TRIB2: variants seen among roughly 807,000 people sequenced by gnomAD.
TRIB2 encodes the protein tribbles homolog 2.
Under a neutral mutation model 26.8 loss-of-function variants are expected in TRIB2, and 2 were observed. That is an observed-to-expected ratio of 0.07 (90% CI 0.03 to 0.24). TRIB2 has a LOEUF of 0.24. TRIB2 is among the 10% of genes least tolerant of loss of function. TRIB2 has a pLI of 1.00. For synonymous variants in TRIB2, 189 were observed against 187.3 expected, an observed-to-expected ratio of 1.01 and a Z score of -0.08; for missense variants, 306 against 449.0, an observed-to-expected ratio of 0.68 and a Z score of 2.88.
Position 12,740,644 on chromosome 2 carries a change from A to C in TRIB2, c.882A>C (p.Ser294=). 1 of 1,614,230 alleles carries C rather than the reference A, an allele frequency of 6.2e-7. No individual in the cohort carries two copies. Among genetic ancestry groups the C allele is most frequent in the Non-Finnish European group, 8.5e-7 (1 of 1,180,036 alleles). The stretch of plus-strand genomic sequence containing the variant: ...GAAGCATTCTGCGTCGGGAGCCCTC[A>C]GAGCGGCTGACCTCGCAGGAAATTC... ...LIRSILRREP[S]ERLTSQEILD... The change falls in exon 3 of 3, where the codon TCA becomes TCC. Residue 294 remains serine, a synonymous_variant. Coordinates refer to ENST00000155926, the MANE Select transcript of TRIB2 (RefSeq NM_021643.4). The surrounding 1 kb of genome is among the most constrained non-coding windows in gnomAD (Gnocchi z 5.8).
At chr2:12,730,237 C>T (rs2103254779) in intron 2 of TRIB2, among the ~76,000 whole-genome samples, 1 of 152,238 alleles carries the variant, frequency 6.6e-6, no homozygotes, top group East Asian at 1.9e-4. Flanking sequence ...TCAATTTAAA[C>T]CCAGTGAGTA....
Position 12,718,133 on chromosome 2 carries a change from C to A in TRIB2, c.-175C>A. ...GCCGGGCTCGGAGCAGACGAGGTATCCGGCGGCGCCCATTTGGGGGCTTCT... is the reference window on the plus strand; with the variant it reads ...GCCGGGCTCGGAGCAGACGAGGTATACGGCGGCGCCCATTTGGGGGCTTCT... On this transcript the variant is annotated 5_prime_UTR_variant, in exon 1 of 3. Coordinates refer to ENST00000155926, the MANE Select transcript of TRIB2 (RefSeq NM_021643.4). This position sits in a 1 kb window ranked among gnomAD's most constrained non-coding sequence, Gnocchi z 4.0. The A allele has an allele frequency of 1.1e-6, 1 of 886,274 alleles. No homozygotes were observed. The highest frequency in any genetic ancestry group is 1.7e-6 in the Non-Finnish European group (1 of 603,406). The allele number at this position is 886,274 out of a possible 1,614,324, so 54.9% of individuals were successfully genotyped here. A position where few individuals can be genotyped will look rare whatever the true frequency, so the allele number is the denominator to read the frequency against.
chr2:12,727,914 C>A (rs996970110), intron 2 of TRIB2, among the ~76,000 whole-genome samples: 9 of 152,110 alleles, frequency 5.9e-5, no homozygotes, highest in Admixed American at 5.9e-4. Context: ...AAAGTGCGTG[C>A]CCTGTGCACT....
At chr2:12,719,470 G>A (rs1470021071) in intron 1 of TRIB2, among the ~76,000 whole-genome samples, 1 of 152,042 alleles carries the variant, frequency 6.6e-6, no homozygotes, top group Non-Finnish European at 1.5e-5. Context: ...GTGGATGAGG[G>A]GCGAAATAGT....
In TRIB2 at chr2:12,732,769, G is replaced by A. The variant is rs1039490137; in HGVS notation, c.564-7557G>A. Among the ~76,000 whole-genome samples the A allele has an allele frequency of 4.6e-5, 7 of 152,346 alleles. No individual in the cohort carries two copies. The highest frequency in any genetic ancestry group is 2.1e-4 in the South Asian group (1 of 4,824). On this transcript the variant is annotated intron_variant, in intron 2 of 2. Coordinates refer to ENST00000155926, the MANE Select transcript of TRIB2 (RefSeq NM_021643.4). The surrounding 1 kb of genome is among the most constrained non-coding windows in gnomAD (Gnocchi z 4.2). The stretch of plus-strand genomic sequence containing the variant: ...CCAGGCCCTTGGTAGCAGCCGCCCC[G>A]GGCGGGACCCTGGCTTTCACAGCTG...
chr2:12,723,824 C>T (rs143601351), intron 2 of TRIB2, among the ~76,000 whole-genome samples: 19 of 152,250 alleles, frequency 1.2e-4, no homozygotes, highest in African/African-American at 3.1e-4. Context: ...TCTTGAATTC[C>T]GAAGGTGGCT....
intron 2 of TRIB2, among the ~76,000 whole-genome samples, chr2:12,728,309 T>TACCTAGCACACAGTCAGCCATCC (rs11269382): frequency 6.6e-6 from 1 of 152,100 alleles, no homozygotes; most frequent in Non-Finnish European, 1.5e-5. Flanking sequence ...CGGGAGCTCC[T>TACCTAGCACACAGTCAGCCATCC]GCTGATGGAA....
chr2:12,723,703 A>G, intron 2 of TRIB2, 151 bp downstream of exon 2: 6 of 925,288 alleles, frequency 6.5e-6, no homozygotes, highest in Non-Finnish European at 9.5e-6. Flanking sequence ...GAATATTGCA[A>G]TTTTCAAGTG....
chr2:12,723,770 G>C (rs1389993627), intron 2 of TRIB2, among the ~76,000 whole-genome samples: 1 of 152,220 alleles, frequency 6.6e-6, no homozygotes, highest in Non-Finnish European at 1.5e-5. Context: ...CAAAGGACAG[G>C]TACCAGGATA....
intron 2 of TRIB2, among the ~76,000 whole-genome samples, chr2:12,738,302 G>A (rs1392639348): frequency 6.6e-6 from 1 of 152,198 alleles, no homozygotes; most frequent in African/African-American, 2.4e-5. Flanking sequence ...ATGACCCAAT[G>A]TGGTTTTTCC....
In TRIB2 at chr2:12,718,069, A is replaced by G; in HGVS notation, c.-239A>G. The G allele has an allele frequency of 1.7e-6, 1 of 576,678 alleles. No individual in the cohort carries two copies. The highest frequency in any genetic ancestry group is 3.0e-6 in the Non-Finnish European group (1 of 328,340). 35.7% of individuals were successfully genotyped at this position (576,678 alleles called of 1,614,324 possible). On this transcript the variant is annotated 5_prime_UTR_variant, in exon 1 of 3. Coordinates refer to ENST00000155926, the MANE Select transcript of TRIB2 (RefSeq NM_021643.4). This position sits in a 1 kb window ranked among gnomAD's most constrained non-coding sequence, Gnocchi z 4.0. ...CATCGCCGACTGCTTTGGGGTAACA[A>G]AAAGACCCGAGTTGCCTGCCGACCG...
intron 2 of TRIB2, among the ~76,000 whole-genome samples, chr2:12,739,958 T>C (rs1226420969): frequency 1.3e-5 from 2 of 152,216 alleles, no homozygotes; most frequent in East Asian, 3.8e-4. Context: ...AATTCTGTGG[T>C]GCCCTATCAT....
At chr2:12,729,990 C>A (rs1661419505) in intron 2 of TRIB2, among the ~76,000 whole-genome samples, 2 of 152,170 alleles carry the variant, frequency 1.3e-5, no homozygotes. Flanking sequence ...TGTCATTGAG[C>A]CTCATAACCC....
intron 2 of TRIB2, among the ~76,000 whole-genome samples, chr2:12,725,749 CT>C (rs1452817648): frequency 6.6e-6 from 1 of 152,186 alleles, no homozygotes; most frequent in African/African-American, 2.4e-5. Context: ...AAGCAAAATC[CT>C]TTTTCATTTT....
At position 12,718,065 on chromosome 2, in the gene TRIB2, A is replaced by T; in HGVS notation, c.-243A>T. 3.5e-6 allele frequency: 2 copies of T among 565,638 alleles called. No individual in the cohort carries two copies. The highest frequency in any genetic ancestry group is 5.9e-5 in the East Asian group (2 of 33,908). 35.0% of individuals were successfully genotyped at this position (565,638 alleles called of 1,614,324 possible). A position where few individuals can be genotyped will look rare whatever the true frequency, so the allele number is the denominator to read the frequency against. ...TGCACATCGCCGACTGCTTTGGGGTAACAAAAAGACCCGAGTTGCCTGCCG... is the reference window on the plus strand; with the variant it reads ...TGCACATCGCCGACTGCTTTGGGGTTACAAAAAGACCCGAGTTGCCTGCCG... On this transcript the variant is annotated 5_prime_UTR_variant, in exon 1 of 3. Coordinates refer to ENST00000155926, the MANE Select transcript of TRIB2 (RefSeq NM_021643.4). This position sits in a 1 kb window ranked among gnomAD's most constrained non-coding sequence, Gnocchi z 4.0.
At chr2:12,728,207 A>C (rs1442802331) in intron 2 of TRIB2, among the ~76,000 whole-genome samples, 2 of 101,650 alleles carry the variant, frequency 2.0e-5, no homozygotes, top group Non-Finnish European at 3.9e-5. Flanking sequence ...ATGGAATTAA[A>C]TGTATTAATA....
chr2:12,728,110 T>A (rs571977346), intron 2 of TRIB2, among the ~76,000 whole-genome samples: 5 of 152,346 alleles, frequency 3.3e-5, no homozygotes, highest in African/African-American at 9.6e-5. Context: ...TTCTTGCACT[T>A]TTTAGGAATG....
Position 12,740,234 on chromosome 2 carries a change from T to C in TRIB2, c.564-92T>C. 1 of 1,262,300 alleles carries C rather than the reference T, an allele frequency of 7.9e-7. No individual in the cohort carries two copies. The allele number at this position is 1,262,300 out of a possible 1,614,324, so 78.2% of individuals were successfully genotyped here. On this transcript the variant is annotated intron_variant, in intron 2 of 2. Coordinates refer to ENST00000155926, the MANE Select transcript of TRIB2 (RefSeq NM_021643.4). The surrounding 1 kb of genome is among the most constrained non-coding windows in gnomAD (Gnocchi z 5.8). ...AATGAATGAATGTGAATGAGGAGTCTTCAGAAACACTATAGTCGGTTATGT... is the reference window on the plus strand; with the variant it reads ...AATGAATGAATGTGAATGAGGAGTCCTCAGAAACACTATAGTCGGTTATGT...
intron 1 of TRIB2, among the ~76,000 whole-genome samples, chr2:12,721,471 C>T (rs1300101860): frequency 6.6e-6 from 1 of 152,228 alleles, no homozygotes; most frequent in African/African-American, 2.4e-5. Flanking sequence ...TTAGCCACTG[C>T]AAAGCTTATT....
Sources: allele counts gnomAD v4.1 joint callset (sites outside exome capture counted in the v4.1 genomes callset), GRCh38; gene constraint gnomAD v4.1.1; non-coding constraint Gnocchi (gnomAD v3.1); transcripts MANE v1.5; gene names NCBI Gene and HGNC (gene_info 2026-07-23, HGNC 2026-07-21).